Variants in FBXL18 observed in about 807,000 individuals in gnomAD.
The protein encoded by FBXL18 is F-box/LRR-repeat protein 18.
Under a neutral mutation model 46.0 loss-of-function variants are expected in FBXL18, and 36 were observed. The observed-to-expected ratio is 0.78, with a 90% confidence interval of 0.60 to 1.03. The LOEUF is 1.03. Ranked by LOEUF, FBXL18 falls within the 50% of genes least tolerant of loss-of-function variation. The pLI is 0.00. For missense variants in FBXL18, 977 were observed against 1,004.1 expected (o/e 0.97, Z 0.36); for synonymous variants, 557 against 465.3 (o/e 1.20, Z -2.54).
At chr7:5,512,071 T>TA (rs71735907) in intron 1 of FBXL18, among the ~76,000 whole-genome samples, 3,872 of 130,538 alleles carry the variant, frequency 0.03, 98 homozygotes, top group African/African-American at 0.072. Flanking sequence ...CCGTCTCTAG[T>TA]AAAAAAAAAA....
At chr7:5,484,250 G>A (rs567056107) in intron 4 of FBXL18, among the ~76,000 whole-genome samples, 5 of 152,062 alleles carry the variant, frequency 3.3e-5, no homozygotes, top group East Asian at 1.9e-4. Flanking sequence ...GGTGGATCAC[G>A]AGGTCAGGAG....
chr7:5,475,440 C>G (rs1783493523), downstream of FBXL18, among the ~76,000 whole-genome samples: 1 of 152,242 alleles, frequency 6.6e-6, no homozygotes, highest in Non-Finnish European at 1.5e-5. This position sits in a 1 kb window ranked among gnomAD's most constrained non-coding sequence, Gnocchi z 4.2. Flanking sequence ...GCTGTCTGAG[C>G]TGCCACCAGA....
chr7:5,458,845 G>A (rs1783207176), intron 4 of FBXL18, among the ~76,000 whole-genome samples: 1 of 152,066 alleles, frequency 6.6e-6, no homozygotes. Context: ...GGTTGGCAGG[G>A]CATTTTGAAA....
At chr7:5,502,085 G>C in intron 2 of FBXL18, 54 bp from the exon 3 acceptor site, 1 of 1,344,990 alleles carries the variant, frequency 7.4e-7, no homozygotes, top group East Asian at 2.5e-5. Flanking sequence ...AGGCACCTAC[G>C]GGTCTCCAAC....
intron 3 of FBXL18, among the ~76,000 whole-genome samples, chr7:5,493,401 T>C (rs1325597193): frequency 6.6e-6 from 1 of 152,022 alleles, no homozygotes; most frequent in Non-Finnish European, 1.5e-5. Context: ...GTTCACGCCA[T>C]TCTCCTGCCT....
chr7:5,483,747 A>G (rs1783705635), intron 4 of FBXL18, among the ~76,000 whole-genome samples: 1 of 120,884 alleles, frequency 8.3e-6, no homozygotes, highest in African/African-American at 2.8e-5. Flanking sequence ...TCCGTCTCAA[A>G]AAAAAGACAA....
downstream of FBXL18, among the ~76,000 whole-genome samples, chr7:5,474,077 G>A (rs999583092): frequency 1.3e-5 from 2 of 152,216 alleles, no homozygotes; most frequent in East Asian, 1.9e-4. Flanking sequence ...GATTACAGGC[G>A]TGAGCCATTG....
intron 1 of FBXL18, among the ~76,000 whole-genome samples, chr7:5,510,547 TG>T (rs1448670294): frequency 6.6e-6 from 1 of 151,576 alleles, no homozygotes; most frequent in South Asian, 2.1e-4. Context: ...CCAGGCATGG[TG>T]GCACGTGCCT....
At chr7:5,502,646 C>T (rs1348498642) in intron 2 of FBXL18, among the ~76,000 whole-genome samples, 1 of 152,066 alleles carries the variant, frequency 6.6e-6, no homozygotes, top group Non-Finnish European at 1.5e-5. Context: ...TCCTGGCCAA[C>T]ATGGTGAAAC....
At chr7:5,488,352 C>A (rs1421918813) in intron 4 of FBXL18, among the ~76,000 whole-genome samples, 1 of 152,198 alleles carries the variant, frequency 6.6e-6, no homozygotes, top group African/African-American at 2.4e-5. Context: ...TTCTGAGGAC[C>A]AGAAGGAAAA....
At chr7:5,463,747 T>TTA in intron 4 of FBXL18, among the ~76,000 whole-genome samples, 1 of 63,624 alleles carries the variant, frequency 1.6e-5, no homozygotes, top group Non-Finnish European at 3.7e-5. Flanking sequence ...TTTTTTTTTT[T>TTA]TTTTTTTTTT....
At position 5,481,868 on chromosome 7, in the gene FBXL18, G is replaced by A. The variant is rs368165565; in HGVS notation, c.2064C>T (p.Thr688=). Residue 688 remains threonine (T), a synonymous_variant, in exon 5 of 5, where the codon ACC becomes ACT. Transcript: ENST00000382368. The part of the protein sequence containing the change: ...VIFPLLHEGL[T]DVIRDVPLVH... ...CCAGGGGGACGTCCCGGATGACGTC[G>A]GTCAGGCCCTCGTGGAGCAGAGGGA... 38 of 1,613,688 alleles carry A rather than the reference G, an allele frequency of 2.4e-5. No individual in the cohort carries two copies. The highest frequency in any genetic ancestry group is 4.4e-5 in the South Asian group (4 of 91,078).
At chr7:5,457,368 C>A (rs1783187722) in intron 4 of FBXL18, among the ~76,000 whole-genome samples, 1 of 151,954 alleles carries the variant, frequency 6.6e-6, no homozygotes, top group Non-Finnish European at 1.5e-5. Context: ...GGCAGCTATC[C>A]TAAACTGAGT....
In FBXL18 at chr7:5,500,725, C is replaced by T. The variant is rs1339644032; in HGVS notation, c.1544G>A (p.Arg515His). Residue 515 changes from arginine (R) to histidine (H), a missense_variant, in exon 3 of 5, where the codon CGC becomes CAC. Physicochemically the swap from Arg to His is conservative, Grantham distance 29 (BLOSUM62 0). Transcript: ENST00000382368. ...AIRNSLPPCS[R>H]AQSVGDSEVA... The stretch of plus-strand genomic sequence containing the variant: ...CTCCGAGTCCCCGACACTCTGTGCG[C>T]GGCTGCAGGGTGGGAGCGAGTTGCG... 1 of 1,612,084 alleles carries T rather than the reference C, an allele frequency of 6.2e-7. No individual in the cohort carries two copies. The highest frequency in any genetic ancestry group is 2.2e-5 in the East Asian group (1 of 44,860).
At position 5,501,146 on chromosome 7, in the gene FBXL18, G is replaced by A. The variant is rs1405505987; in HGVS notation, c.1123C>T (p.Leu375=). 9.9e-6 allele frequency: 16 copies of A among 1,613,060 alleles called. No homozygotes were observed. Among genetic ancestry groups the A allele is most frequent in the Non-Finnish European group, 1.3e-5 (15 of 1,179,896 alleles). The part of the protein sequence containing the change: ...KAEDDIDSSI[L]ETLVASCCNL... ...CAGCAGGACGCCACCAGAGTCTCCAGGATGCTGCTGTCGATGTCGTCCTCC... is the reference window on the plus strand; with the variant it reads ...CAGCAGGACGCCACCAGAGTCTCCAAGATGCTGCTGTCGATGTCGTCCTCC... The change falls in exon 3 of 5, where the codon CTG becomes TTG. Residue 375 remains leucine, a synonymous_variant. Transcript: ENST00000382368.
chr7:5,487,709 C>T (rs1041419163), intron 4 of FBXL18, among the ~76,000 whole-genome samples: 1 of 152,224 alleles, frequency 6.6e-6, no homozygotes, highest in Non-Finnish European at 1.5e-5. Flanking sequence ...AGAGAGGCAC[C>T]ATGGGGGCCC....
At chr7:5,503,209 C>T (rs572159132) in intron 2 of FBXL18, among the ~76,000 whole-genome samples, 1 of 152,346 alleles carries the variant, frequency 6.6e-6, no homozygotes, top group East Asian at 1.9e-4. Flanking sequence ...AGCGAGACCC[C>T]ATATCTACCA....
chr7:5,489,834 T>C lies in FBXL18; in HGVS notation c.2000+1397A>G, dbSNP rs1258631020. 3 of 394,066 alleles carry C rather than the reference T, an allele frequency of 7.6e-6. No homozygotes were observed. In the Admixed American group the frequency reaches 1.1e-4, roughly 15 times the overall value. 24.4% of individuals were successfully genotyped at this position (394,066 alleles called of 1,614,324 possible). On this transcript the variant is annotated intron_variant, in intron 4 of 4. Transcript: ENST00000382368. Reference sequence around the variant, plus strand: ...AGCCAGGTATAGTGGTGCACACTTGTAATCCCAGCTGCTCAGGAGGCTGAG... The same window carrying C: ...AGCCAGGTATAGTGGTGCACACTTGCAATCCCAGCTGCTCAGGAGGCTGAG...
chr7:5,484,757 G>A (rs2128234449), intron 4 of FBXL18, among the ~76,000 whole-genome samples: 1 of 151,322 alleles, frequency 6.6e-6, no homozygotes, highest in African/African-American at 2.4e-5. Flanking sequence ...TCCCGTCTCA[G>A]CCTCCCAAGC....
Sources: allele counts gnomAD v4.1 joint callset (sites outside exome capture counted in the v4.1 genomes callset), GRCh38; gene constraint gnomAD v4.1.1; non-coding constraint Gnocchi (gnomAD v3.1); transcripts MANE v1.5; gene names NCBI Gene and HGNC (gene_info 2026-07-23, HGNC 2026-07-21).